RSPH6A: variants seen among roughly 807,000 people sequenced by gnomAD.
RSPH6A encodes radial spoke head 6 homolog A.
A neutral mutation model predicts 66.1 loss-of-function variants in RSPH6A; 49 were observed. The observed-to-expected ratio is 0.74, with a 90% CI of 0.59 to 0.94. The LOEUF is 0.94. RSPH6A is among the 40% of genes least tolerant of loss of function. The probability of loss-of-function intolerance (pLI) is 0.00; values close to 1 mark genes in which losing one functional copy is unlikely to be tolerated. For synonymous variants in RSPH6A, 419 were observed against 402.4 expected (o/e 1.04, Z -0.49); for missense variants, 977 against 948.3 (o/e 1.03, Z -0.40).
chr19:45,814,377 GT>G, intron 1 of RSPH6A, 149 bp downstream of exon 1: 1 of 617,272 alleles, frequency 1.6e-6, no homozygotes, highest in Non-Finnish European at 2.5e-6. Flanking sequence ...AATGCTAGCT[GT>G]TGTTGGCATT....
chr19:45,802,333 G>A (rs555645537), intron 3 of RSPH6A, 69 bp from the exon 4 acceptor site: 2 of 1,281,030 alleles, frequency 1.6e-6, no homozygotes, highest in South Asian at 2.7e-5. Context: ...TGTGGGGGAG[G>A]TGAAGGGCCA....
intron 5 of RSPH6A, among the ~76,000 whole-genome samples, chr19:45,797,854 C>T (rs1369537840): frequency 6.6e-6 from 1 of 151,366 alleles, no homozygotes; most frequent in Non-Finnish European, 1.5e-5. Flanking sequence ...GGCGACACAG[C>T]GAGACTCCAT....
chr19:45,806,339 C>T (rs1970542771), intron 2 of RSPH6A, among the ~76,000 whole-genome samples: 1 of 151,894 alleles, frequency 6.6e-6, no homozygotes, highest in South Asian at 2.1e-4. Flanking sequence ...GACAGAGGCT[C>T]AGAAAGGGAC....
At chr19:45,796,160 CTTTTTTT>C in intron 5 of RSPH6A, 54 bp from the exon 6 acceptor site, 2 of 920,118 alleles carry the variant, frequency 2.2e-6, no homozygotes, top group Non-Finnish European at 1.5e-6. Flanking sequence ...CCAGACTTGA[CTTTTTTT>C]TTTTTTTTTT....
At position 45,815,250 on chromosome 19, in the gene RSPH6A, C is replaced by T. The variant is rs1970693521; in HGVS notation, c.-74G>A. 1.4e-6 allele frequency: 2 copies of T among 1,419,528 alleles called. No homozygotes were observed. Among genetic ancestry groups the T allele is most frequent in the Admixed American group, 2.6e-5 (1 of 38,590 alleles). The allele number at this position is 1,419,528 out of a possible 1,614,324, so 87.9% of individuals were successfully genotyped here. On this transcript the variant is annotated 5_prime_UTR_variant, in exon 1 of 6. Coordinates refer to ENST00000221538, the MANE Select transcript of RSPH6A (RefSeq NM_030785.4). ...AGGCCAAGCGAGAGCCACCTGTCGA[C>T]ACCGCCGGTTTCTGAGCACCGAGAG...
rs139048625 is a variant in RSPH6A at position 45,814,745 on chromosome 19, G to A, written c.432C>T (p.Asn144=). 5.0e-6 allele frequency: 8 copies of A among 1,613,734 alleles called. No individual in the cohort carries two copies. The highest frequency in any genetic ancestry group is 1.3e-5 in the African/African-American group (1 of 74,944). The part of the protein sequence containing the change: ...LDPTFQEPPV[N]PLGQFNLYQT... ...GGTAGAGGTTGAACTGGCCCAAGGGGTTGACTGGGGGCTCCTGGAAGGTGG... is the reference window on the plus strand; with the variant it reads ...GGTAGAGGTTGAACTGGCCCAAGGGATTGACTGGGGGCTCCTGGAAGGTGG... The change falls in exon 1 of 6, where the codon AAC becomes AAT. Residue 144 remains asparagine, a synonymous_variant. Coordinates refer to ENST00000221538, the MANE Select transcript of RSPH6A (RefSeq NM_030785.4).
At position 45,814,909 on chromosome 19, in the gene RSPH6A, C is replaced by T; in HGVS notation, c.268G>A (p.Val90Met). 2 of 1,614,158 alleles carry T rather than the reference C, an allele frequency of 1.2e-6. No individual in the cohort carries two copies. Among genetic ancestry groups the T allele is most frequent in the Non-Finnish European group, 1.7e-6 (2 of 1,180,040 alleles). The change falls in exon 1 of 6, where the codon GTG becomes ATG. Residue 90 changes from valine to methionine, a missense_variant. Coordinates refer to ENST00000221538, the MANE Select transcript of RSPH6A (RefSeq NM_030785.4). The part of the protein sequence containing the change: ...ARLGGMEYPS[V>M]NTGFPSEFQP... ...AACTCTGAGGGAAAGCCCGTGTTCA[C>T]AGATGGGTACTCCATGCCACCCAGC... is the stretch of plus-strand genomic sequence containing the variant.
Position 45,810,833 on chromosome 19 carries a change from G to C in RSPH6A, c.658C>G (p.His220Asp). The C allele has an allele frequency of 6.2e-7, 1 of 1,607,116 alleles. No individual in the cohort carries two copies. Among genetic ancestry groups the C allele is most frequent in the Non-Finnish European group, 8.5e-7 (1 of 1,174,568 alleles). Residue 220 changes from histidine (H) to aspartate (D), a missense_variant, in exon 2 of 6, where the codon CAC becomes GAC. His to Asp is a moderately conservative substitution (Grantham distance 81, BLOSUM62 -1). Coordinates refer to ENST00000221538, the MANE Select transcript of RSPH6A (RefSeq NM_030785.4). ...ATCTTGGTCAGCAGATTCACCAGGT[G>C]CTCGTACCTGCCTCCCGCAGGAGGA... ...SINCDLSLYEHLVNLLTKILN... is the reference protein window; with the variant it reads ...SINCDLSLYEDLVNLLTKILN...
Position 45,812,405 on chromosome 19 carries a change from A to G in RSPH6A, c.651-1565T>C, listed in dbSNP as rs531973249. ...GGCCCGGCCACAGTCAGCCTTTGAAACCAAGTTGGTCTGATTTCCAAGCAT... is the reference window on the plus strand; with the variant it reads ...GGCCCGGCCACAGTCAGCCTTTGAAGCCAAGTTGGTCTGATTTCCAAGCAT... On this transcript the variant is annotated intron_variant, in intron 1 of 5. Transcript: ENST00000221538. Among the ~76,000 whole-genome samples, 3 of 152,052 alleles carry G rather than the reference A, an allele frequency of 2.0e-5. No individual in the cohort carries two copies. In the South Asian group the frequency reaches 6.3e-4, roughly 32 times the overall value.
At chr19:45,796,147 G>A (rs1296776484) in intron 5 of RSPH6A, 41 bp from the exon 6 acceptor site, 1 of 1,364,384 alleles carries the variant, frequency 7.3e-7, no homozygotes, top group Non-Finnish European at 9.9e-7. Flanking sequence ...TCCCTCAAAG[G>A]CCCCAGACTT....
intron 2 of RSPH6A, among the ~76,000 whole-genome samples, chr19:45,805,854 CT>C (rs1970537489): frequency 1.3e-5 from 2 of 152,012 alleles, no homozygotes; most frequent in Non-Finnish European, 2.9e-5. Context: ...TTTTTCTTGC[CT>C]TTTGTCATTC....
In RSPH6A at chr19:45,810,660, C is replaced by G. The variant is rs141102105; in HGVS notation, c.831G>C (p.Ala277=). The G allele has an allele frequency of 3.7e-3, 6,043 of 1,614,136 alleles. 14 individuals are homozygous for G. The highest frequency in any genetic ancestry group is 4.8e-3 in the Non-Finnish European group (5,631 of 1,180,016). Residue 277 remains alanine (A), a synonymous_variant, in exon 2 of 6, where the codon GCG becomes GCC. Transcript: ENST00000221538. The part of the protein sequence containing the change: ...PTYKMAEKQK[A]LFTRSGGGTE... ...TGCCGCCTCCACTCCGGGTGAACAG[C>G]GCCTTCTGTTTCTCCGCCATCTTGT...
intron 4 of RSPH6A, among the ~76,000 whole-genome samples, chr19:45,801,555 G>T (rs1005529599): frequency 1.3e-5 from 2 of 152,196 alleles, no homozygotes; most frequent in Non-Finnish European, 2.9e-5. Flanking sequence ...GAGGCCAGGA[G>T]TTCGAGATCA....
In RSPH6A at chr19:45,804,547, C is replaced by CG. The variant is rs773485102; in HGVS notation, c.1357dup (p.Arg453ProfsTer51). ...GCCTGTGAAGAACTTCTTGATCTTT[C>CG]GGGCGTTCACGATCTGGGCTGGAGT... On this transcript the variant is annotated frameshift_variant, in exon 3 of 6. Coordinates refer to ENST00000221538, the MANE Select transcript of RSPH6A (RefSeq NM_030785.4). LOFTEE classifies it high-confidence loss of function. The surrounding 1 kb of genome is among the most constrained non-coding windows in gnomAD (Gnocchi z 5.8). 1 of 1,614,184 alleles carries CG rather than the reference C, an allele frequency of 6.2e-7. No individual in the cohort carries two copies. The highest frequency in any genetic ancestry group is 8.5e-7 in the Non-Finnish European group (1 of 1,180,032).
chr19:45,810,576 CCCACCTCTCCTGACTGGCTCACTCA>C lies in RSPH6A; in HGVS notation c.888+2_888+26del, dbSNP rs1970610776. Reference sequence around the variant, plus strand: ...GCTTGGGCCCCCACTGACCCTGATGCCCACCTCTCCTGACTGGCTCACTCACCACCTCCTCCTCCATCTCCTGTTC... The same window carrying C: ...GCTTGGGCCCCCACTGACCCTGATGCCCACCTCCTCCTCCATCTCCTGTTC... On this transcript the variant is annotated splice_donor_variant and splice_donor_5th_base_variant and intron_variant, in intron 2 of 5. Coordinates refer to ENST00000221538, the MANE Select transcript of RSPH6A (RefSeq NM_030785.4). LOFTEE classifies it high-confidence loss of function. 6.2e-7 allele frequency: 1 copy of C among 1,605,274 alleles called. No individual in the cohort carries two copies. The highest frequency in any genetic ancestry group is 1.7e-5 in the Admixed American group (1 of 59,934).
Position 45,814,772 on chromosome 19 carries a change from G to A in RSPH6A, c.405C>T (p.Asp135=). The change falls in exon 1 of 6, where the codon GAC becomes GAT. Residue 135 remains aspartate, a synonymous_variant. Coordinates refer to ENST00000221538, the MANE Select transcript of RSPH6A (RefSeq NM_030785.4). ...TGACTGGGGGCTCCTGGAAGGTGGG[G>A]TCCAGTTGCTGGAACAGGCTGCTTT... ...QGQSSLFQQL[D]PTFQEPPVNP... is the part of the protein sequence containing the mutation. 6.2e-7 allele frequency: 1 copy of A among 1,613,840 alleles called. No individual in the cohort carries two copies. The highest frequency in any genetic ancestry group is 1.3e-5 in the African/African-American group (1 of 75,066).
At chr19:45,807,238 C>T (rs951084859) in intron 2 of RSPH6A, among the ~76,000 whole-genome samples, 7 of 151,438 alleles carry the variant, frequency 4.6e-5, no homozygotes, top group Non-Finnish European at 1.0e-4. Context: ...ATTTTTGATA[C>T]AGAGTCTTGC....
intron 1 of RSPH6A, among the ~76,000 whole-genome samples, chr19:45,812,163 C>G (rs901132920): frequency 5.3e-5 from 8 of 151,958 alleles, no homozygotes; most frequent in Non-Finnish European, 1.5e-5. Context: ...TCGGTCTTGG[C>G]TCACTGCAAC....
intron 1 of RSPH6A, among the ~76,000 whole-genome samples, chr19:45,814,198 C>T (rs190861022): frequency 1.3e-5 from 2 of 152,106 alleles, no homozygotes; most frequent in Non-Finnish European, 2.9e-5. Flanking sequence ...AGCCAAATCA[C>T]GTGTTCTGGA....
Sources: allele counts gnomAD v4.1 joint callset (sites outside exome capture counted in the v4.1 genomes callset), GRCh38; gene constraint gnomAD v4.1.1; non-coding constraint Gnocchi (gnomAD v3.1); transcripts MANE v1.5; gene names NCBI Gene and HGNC (gene_info 2026-07-23, HGNC 2026-07-21).